GUCY1A2: variants seen among roughly 807,000 people sequenced by gnomAD.
GUCY1A2 encodes guanylate cyclase 1 soluble subunit alpha 2.
A neutral mutation model predicts 63.5 loss-of-function variants in GUCY1A2; 27 were observed. The ratio of observed to expected loss-of-function variants is 0.43; its 90% CI spans 0.31 to 0.59. The LOEUF is 0.59. Among genes scored for constraint, GUCY1A2 ranks in the 20% least tolerant of loss-of-function variants. GUCY1A2 has a pLI of 0.11. For missense variants in GUCY1A2, 768 were observed against 913.3 expected (o/e 0.84, Z 2.05); for synonymous variants, 364 against 343.5 (o/e 1.06, Z -0.66).
At chr11:106,955,528 T>C (rs1033009465) in intron 3 of GUCY1A2, among the ~76,000 whole-genome samples, 4 of 152,204 alleles carry the variant, frequency 2.6e-5, no homozygotes, top group African/African-American at 9.7e-5. Context: ...CATTTGCTTG[T>C]CTGGAAATGA....
chr11:106,878,021 T>C (rs188819651), intron 4 of GUCY1A2, among the ~76,000 whole-genome samples: 3 of 151,778 alleles, frequency 2.0e-5, no homozygotes, highest in African/African-American at 7.2e-5. Flanking sequence ...TAACAATATA[T>C]GAAAAAAAAC....
intron 6 of GUCY1A2, among the ~76,000 whole-genome samples, chr11:106,762,893 C>T (rs1305521427): frequency 6.6e-6 from 1 of 152,084 alleles, no homozygotes; most frequent in African/African-American, 2.4e-5. Flanking sequence ...ACATTTGATG[C>T]TCCCACTAAT....
intron 7 of GUCY1A2, among the ~76,000 whole-genome samples, chr11:106,695,397 C>G (rs1565260141): frequency 6.6e-6 from 1 of 152,092 alleles, no homozygotes; most frequent in Admixed American, 6.5e-5. Context: ...ATCTGAATAT[C>G]TTTTTTTGCT....
chr11:106,816,080 T>A (rs1467159070), intron 4 of GUCY1A2, among the ~76,000 whole-genome samples: 1 of 146,428 alleles, frequency 6.8e-6, no homozygotes, highest in Non-Finnish European at 1.5e-5. Context: ...AACAACAAAA[T>A]CTACAAAAAC....
intron 4 of GUCY1A2, among the ~76,000 whole-genome samples, chr11:106,852,584 T>C (rs1429458316): frequency 6.6e-6 from 1 of 152,184 alleles, no homozygotes; most frequent in African/African-American, 2.4e-5. Flanking sequence ...GCTTTTGTCC[T>C]TCATTCTATT....
chr11:106,792,829 AT>A (rs1385906040), intron 5 of GUCY1A2, among the ~76,000 whole-genome samples: 1 of 152,214 alleles, frequency 6.6e-6, no homozygotes, highest in Non-Finnish European at 1.5e-5. Context: ...TTCATCAAGG[AT>A]GTGAATGATG....
At chr11:106,847,146 C>T (rs1417958420) in intron 4 of GUCY1A2, among the ~76,000 whole-genome samples, 2 of 150,424 alleles carry the variant, frequency 1.3e-5, no homozygotes, top group African/African-American at 2.4e-5. Flanking sequence ...TCCATTCACT[C>T]ATTCCACCAA....
chr11:106,729,222 A>T (rs1863458242), intron 6 of GUCY1A2, among the ~76,000 whole-genome samples: 1 of 152,058 alleles, frequency 6.6e-6, no homozygotes, highest in East Asian at 1.9e-4. Flanking sequence ...TGGGAGGAAG[A>T]TATGGGGATT....
intron 4 of GUCY1A2, among the ~76,000 whole-genome samples, chr11:106,927,860 C>A (rs1196961278): frequency 6.6e-6 from 1 of 152,122 alleles, no homozygotes; most frequent in Non-Finnish European, 1.5e-5. Flanking sequence ...GCGTGAGCCA[C>A]CACGCCCGGC....
intron 6 of GUCY1A2, among the ~76,000 whole-genome samples, chr11:106,709,443 A>T (rs1591240471): frequency 2.1e-5 from 2 of 94,202 alleles, no homozygotes; most frequent in South Asian, 2.7e-4. Context: ...ATATATAATA[A>T]TATATATTCT....
chr11:106,982,833 C>T (rs1443278790), intron 2 of GUCY1A2, among the ~76,000 whole-genome samples: 1 of 152,104 alleles, frequency 6.6e-6, no homozygotes. Flanking sequence ...CAGAGGTAGG[C>T]AGAGGCCAGA....
At chr11:106,803,084 TCTAA>T (rs1486521980) in intron 5 of GUCY1A2, among the ~76,000 whole-genome samples, 2 of 152,180 alleles carry the variant, frequency 1.3e-5, no homozygotes, top group East Asian at 1.9e-4. Flanking sequence ...ATTTTAGCCT[TCTAA>T]CTGTCTTCAG....
chr11:106,808,270 G>A (rs1332155974), intron 5 of GUCY1A2, among the ~76,000 whole-genome samples: 1 of 150,794 alleles, frequency 6.6e-6, no homozygotes, highest in African/African-American at 2.4e-5. Flanking sequence ...ATGTGTGTGT[G>A]TATATATATA....
At position 106,768,230 on chromosome 11, in the gene GUCY1A2, C is replaced by A. The variant is rs116563806; in HGVS notation, c.1836+8209G>T. 4.7e-3 allele frequency among the ~76,000 whole-genome samples: 712 copies of A among 152,248 alleles called. 4 individuals are homozygous for A. Among genetic ancestry groups the A allele is most frequent in the African/African-American group, 0.016 (650 of 41,566 alleles). ...GTCTAACTCCTGGATTAAAGCCATC[C>A]TCCCTCCTCAGCTTCTCGAGTATCT... On this transcript the variant is annotated intron_variant, in intron 6 of 7. Coordinates refer to ENST00000526355, the MANE Select transcript of GUCY1A2 (RefSeq NM_000855.3).
chr11:106,986,906 C>T (rs892809395), intron 1 of GUCY1A2, among the ~76,000 whole-genome samples: 6 of 152,160 alleles, frequency 3.9e-5, no homozygotes, highest in Admixed American at 2.6e-4. Context: ...CTCTTCTCCA[C>T]GATGGCTTAA....
intron 4 of GUCY1A2, among the ~76,000 whole-genome samples, chr11:106,865,948 ACTT>A (rs1455780895): frequency 2.0e-5 from 3 of 151,776 alleles, no homozygotes; most frequent in East Asian, 3.9e-4. Flanking sequence ...TAGAATGTAA[ACTT>A]CTTGAGAAAA....
chr11:106,703,397 C>G (rs928121039), intron 7 of GUCY1A2, among the ~76,000 whole-genome samples: 1 of 152,058 alleles, frequency 6.6e-6, no homozygotes, highest in African/African-American at 2.4e-5. Context: ...GAGAAATTAC[C>G]ATGGATTATC....
chr11:106,757,519 A>G (rs1198962235), intron 6 of GUCY1A2, among the ~76,000 whole-genome samples: 1 of 152,006 alleles, frequency 6.6e-6, no homozygotes, highest in Non-Finnish European at 1.5e-5. Flanking sequence ...ATTGGTGACT[A>G]TGGATGGGGT....
chr11:106,961,217 T>G (rs11211988), intron 3 of GUCY1A2, among the ~76,000 whole-genome samples: 4,639 of 151,904 alleles, frequency 0.031, 240 homozygotes, highest in East Asian at 0.22. Flanking sequence ...TGCAGAGTCA[T>G]AAACAAACAA....
Sources: gnomAD v4.1 joint callset for allele counts (sites outside exome capture counted in the v4.1 genomes callset) on GRCh38, gnomAD v4.1.1 for gene constraint, MANE v1.5 for transcripts, NCBI Gene and HGNC (gene_info 2026-07-23, HGNC 2026-07-21) for gene names.